DOCK2: variants seen among roughly 807,000 people sequenced by gnomAD.
DOCK2 encodes the protein dedicator of cytokinesis protein 2.
Under a neutral mutation model 248.9 loss-of-function variants are expected in DOCK2, and 87 were observed. The ratio of observed to expected loss-of-function variants is 0.35; its 90% CI spans 0.29 to 0.42. DOCK2 has a LOEUF of 0.42. Ranked by LOEUF, DOCK2 falls within the 10% of genes least tolerant of loss-of-function variation. The pLI, the probability that DOCK2 is intolerant of heterozygous loss-of-function variation, is 1.00. For missense variants in DOCK2, 1,747 were observed against 2,300.2 expected (o/e 0.76, Z 4.92); for synonymous variants, 805 against 821.6 (o/e 0.98, Z 0.35).
intron 27 of DOCK2, among the ~76,000 whole-genome samples, chr5:169,981,453 C>T (rs1777933931): frequency 6.6e-6 from 1 of 152,216 alleles, no homozygotes; most frequent in Admixed American, 6.5e-5. Flanking sequence ...TTCCAACAGC[C>T]TGTGCTCACT....
At chr5:170,075,874 C>T (rs1200071241) in intron 46 of DOCK2, 73 bp from the exon 47 acceptor site, 22 of 1,589,188 alleles carry the variant, frequency 1.4e-5, no homozygotes, top group Non-Finnish European at 1.7e-5. Flanking sequence ...ACTGCAGCTG[C>T]CTTGATGGGC....
chr5:169,991,347 C>G (rs377256417), intron 29 of DOCK2, among the ~76,000 whole-genome samples: 2 of 152,324 alleles, frequency 1.3e-5, no homozygotes, highest in African/African-American at 4.8e-5. Flanking sequence ...GGGTAGCAAG[C>G]CTGGGTTTGG....
intron 27 of DOCK2, among the ~76,000 whole-genome samples, chr5:169,978,136 C>T (rs371719818): frequency 5.3e-5 from 8 of 152,048 alleles, no homozygotes; most frequent in African/African-American, 9.7e-5. Flanking sequence ...ACTATAGCAA[C>T]GTGTCACCAG....
At chr5:169,910,291 C>T (rs261005) in intron 27 of DOCK2, among the ~76,000 whole-genome samples, 54,054 of 151,978 alleles carry the variant, frequency 0.36, 10,362 homozygotes, top group East Asian at 0.51. Flanking sequence ...CGGTTACCAC[C>T]GCATGGAATA....
At chr5:169,779,628 G>T (rs1765583472) in intron 25 of DOCK2, among the ~76,000 whole-genome samples, 1 of 152,152 alleles carries the variant, frequency 6.6e-6, no homozygotes, top group Admixed American at 6.5e-5. Flanking sequence ...TGCCCCACCA[G>T]CTTCTAGCTA....
intron 2 of DOCK2, 53 bp downstream of exon 2, chr5:169,654,539 A>G (rs1757989364): frequency 7.5e-6 from 12 of 1,597,132 alleles, no homozygotes; most frequent in Non-Finnish European, 8.6e-6. Context: ...ATGGAAGCCT[A>G]TAGTACACCC....
chr5:169,892,468 C>T (rs1773353589), intron 27 of DOCK2, among the ~76,000 whole-genome samples: 1 of 152,208 alleles, frequency 6.6e-6, no homozygotes, highest in Non-Finnish European at 1.5e-5. Flanking sequence ...CTCCAGTACA[C>T]CAGTGAGAAA....
At chr5:170,043,680 T>C (rs73312389) in intron 38 of DOCK2, among the ~76,000 whole-genome samples, 11,358 of 152,304 alleles carry the variant, frequency 0.075, 542 homozygotes, top group Middle Eastern at 0.18. Flanking sequence ...TATAAGCCTC[T>C]TGAGGGCAGA....
intron 22 of DOCK2, among the ~76,000 whole-genome samples, chr5:169,746,193 G>A (rs536589338): frequency 2.2e-4 from 34 of 152,086 alleles, no homozygotes; most frequent in Non-Finnish European, 4.6e-4. Flanking sequence ...GGGAGGGTGG[G>A]GAGAGAACTA....
At chr5:169,648,412 G>A (rs906624047) in intron 1 of DOCK2, among the ~76,000 whole-genome samples, 2 of 152,106 alleles carry the variant, frequency 1.3e-5, no homozygotes, top group Non-Finnish European at 2.9e-5. Flanking sequence ...CCTAACTTTC[G>A]TCTTGTCGGC....
At chr5:169,977,823 T>C (rs1006285443) in intron 27 of DOCK2, among the ~76,000 whole-genome samples, 23 of 152,290 alleles carry the variant, frequency 1.5e-4, no homozygotes, top group South Asian at 1.5e-3. Flanking sequence ...CTAAAATGAA[T>C]AGGTTTTAGA....
In DOCK2 at chr5:169,714,396, C is replaced by T; in HGVS notation, c.1880C>T (p.Pro627Leu). Residue 627 changes from proline to leucine, a missense_variant, in exon 19 of 52, where the codon CCT becomes CTT. Transcript: ENST00000520908. ...GGTTTGCTGAAGTGGCGTATGAAGCCTCAACTGCTACAGGAGAATTTAGAA... is the reference window on the plus strand; with the variant it reads ...GGTTTGCTGAAGTGGCGTATGAAGCTTCAACTGCTACAGGAGAATTTAGAA... ...LLGLLKWRMK[P>L]QLLQENLEKL... 1 of 1,614,054 alleles carries T rather than the reference C, an allele frequency of 6.2e-7. No homozygotes were observed. The highest frequency in any genetic ancestry group is 8.5e-7 in the Non-Finnish European group (1 of 1,179,974).
intron 22 of DOCK2, among the ~76,000 whole-genome samples, chr5:169,742,458 C>A (rs1260119248): frequency 6.6e-6 from 1 of 152,326 alleles, no homozygotes; most frequent in East Asian, 1.9e-4. Context: ...GGAACCCAGG[C>A]AGTGCTGCCT....
intron 25 of DOCK2, among the ~76,000 whole-genome samples, chr5:169,766,023 G>C (rs151023130): frequency 3.1e-3 from 469 of 152,238 alleles, no homozygotes; most frequent in Non-Finnish European, 5.6e-3. Context: ...GCAGCATTGG[G>C]CTAGGAATAA....
intron 27 of DOCK2, among the ~76,000 whole-genome samples, chr5:169,891,209 T>A (rs1581367458): frequency 6.6e-6 from 1 of 152,092 alleles, no homozygotes; most frequent in African/African-American, 2.4e-5. Flanking sequence ...TTTCCCCAGA[T>A]CCTTCCAAGC....
At chr5:169,760,387 A>G (rs561611408) in intron 24 of DOCK2, among the ~76,000 whole-genome samples, 1 of 152,362 alleles carries the variant, frequency 6.6e-6, no homozygotes, top group South Asian at 2.1e-4. Flanking sequence ...GAGTTATCAT[A>G]TGCCCTTCAC....
intron 27 of DOCK2, among the ~76,000 whole-genome samples, chr5:169,900,928 A>T (rs886277259): frequency 3.3e-5 from 5 of 152,216 alleles, no homozygotes; most frequent in African/African-American, 1.2e-4. Context: ...CTTCACCTTG[A>T]GATACAACTG....
chr5:169,961,902 C>T (rs1037884707), intron 27 of DOCK2, among the ~76,000 whole-genome samples: 8 of 140,190 alleles, frequency 5.7e-5, no homozygotes, highest in African/African-American at 2.2e-4. Flanking sequence ...TCACTTGAAC[C>T]CAGGAGGCGG....
chr5:170,081,676 T>TC, intron 50 of DOCK2, 166 bp from the exon 51 acceptor site: 1 of 758,192 alleles, frequency 1.3e-6, no homozygotes, highest in Non-Finnish European at 2.1e-6. Context: ...AGCTTCAATG[T>TC]CCCCTGGCAC....
Sources: gnomAD v4.1 joint callset for allele counts (sites outside exome capture counted in the v4.1 genomes callset) on GRCh38, gnomAD v4.1.1 for gene constraint, MANE v1.5 for transcripts, NCBI Gene and HGNC (gene_info 2026-07-23, HGNC 2026-07-21) for gene names.